The following PLXNA4 variants were observed in gnomAD, a reference collection of about 807,000 sequenced individuals.
PLXNA4 encodes the protein plexin A4.
Under a neutral mutation model 191.8 loss-of-function variants are expected in PLXNA4, and 44 were observed. The ratio of observed to expected loss-of-function variants is 0.23; its 90% confidence interval spans 0.18 to 0.29. The LOEUF is 0.29. PLXNA4 is among the 10% of genes least tolerant of loss of function. PLXNA4 has a pLI of 1.00. For missense variants in PLXNA4, 1,800 were observed against 2,488.8 expected (o/e 0.72, Z 5.89); for synonymous variants, 1,082 against 1,009.5 (o/e 1.07, Z -1.36).
chr7:132,574,744 A>G (rs553030913), intron 1 of PLXNA4, among the ~76,000 whole-genome samples: 1 of 152,222 alleles, frequency 6.6e-6, no homozygotes, highest in African/African-American at 2.4e-5. Context: ...GCTTCTCCCC[A>G]GCCTAGCCAG....
In PLXNA4 at chr7:132,507,799, C is replaced by A. The variant is rs752332335; in HGVS notation, c.895G>T (p.Gly299Cys). ...TACTCCACCCCACTGCGCTCACAGC[C>A]AATGGGCACCTCTACATAGGAGTTG... Reference protein sequence around the residue: ...AFNSYVEVPIGCERSGVEYRL... With the variant: ...AFNSYVEVPICCERSGVEYRL... Residue 299 changes from glycine (G) to cysteine (C), a missense_variant, in exon 2 of 32, where the codon GGC becomes TGC. Around this residue, in one of 6 missense-constraint regions of PLXNA4, gnomAD observed 1,397 missense variants for 1,880.4 expected, o/e 0.74. Transcript: ENST00000321063. 1.2e-6 allele frequency: 2 copies of A among 1,614,168 alleles called. No homozygotes were observed. Among genetic ancestry groups the A allele is most frequent in the Non-Finnish European group, 1.7e-6 (2 of 1,180,046 alleles).
At chr7:132,181,240 T>C (rs1796691913) in intron 18 of PLXNA4, 141 bp downstream of exon 18, 5 of 1,433,656 alleles carry the variant, frequency 3.5e-6, no homozygotes, top group African/African-American at 1.4e-5. Flanking sequence ...AGAGAGAACA[T>C]TTATCACACT....
chr7:132,209,104 A>G (rs954631315), intron 10 of PLXNA4, among the ~76,000 whole-genome samples: 5 of 152,254 alleles, frequency 3.3e-5, no homozygotes, highest in African/African-American at 1.2e-4. Context: ...TCTTCTGACC[A>G]AGAGGTTTAG....
At chr7:132,178,713 TACACACACACACACACACTTGTAAATGAA>T (rs1796562213) in intron 20 of PLXNA4, among the ~76,000 whole-genome samples, 1,568 of 111,974 alleles carry the variant, frequency 0.014, 87 homozygotes, top group African/African-American at 0.035. Context: ...CACATACACA[TACACACACACACACACACTTGTAAATGAA>T]ACACATACAC....
intron 3 of PLXNA4, among the ~76,000 whole-genome samples, chr7:132,331,506 C>T (rs1802589346): frequency 6.6e-6 from 1 of 152,202 alleles, no homozygotes; most frequent in South Asian, 2.1e-4. Context: ...CCATGTCACT[C>T]CCCAGGGAAG....
At chr7:132,511,988 C>T (rs1798730956) in intron 1 of PLXNA4, among the ~76,000 whole-genome samples, 1 of 152,176 alleles carries the variant, frequency 6.6e-6, no homozygotes. Flanking sequence ...CTCTTTCCAC[C>T]ACCCCGGCCT....
chr7:132,246,768 A>AATCATC (rs34617807), intron 4 of PLXNA4, among the ~76,000 whole-genome samples: 64 of 149,996 alleles, frequency 4.3e-4, no homozygotes, highest in Middle Eastern at 7.0e-3. Context: ...TTGTACATGC[A>AATCATC]ATCATCATCA....
At chr7:132,536,844 C>T (rs900656197) in intron 1 of PLXNA4, among the ~76,000 whole-genome samples, 4 of 152,240 alleles carry the variant, frequency 2.6e-5, no homozygotes, top group Non-Finnish European at 4.4e-5. Context: ...GAAGTTAGGG[C>T]AGAAAGAGAC....
chr7:132,271,955 T>C (rs1424598880), intron 4 of PLXNA4, among the ~76,000 whole-genome samples: 4 of 152,144 alleles, frequency 2.6e-5, no homozygotes, highest in East Asian at 3.9e-4. Context: ...AAACAGATGA[T>C]AGGAAGAAAT....
intron 3 of PLXNA4, among the ~76,000 whole-genome samples, chr7:132,471,349 C>T (rs145567822): frequency 1.4e-3 from 211 of 152,168 alleles, no homozygotes; most frequent in African/African-American, 4.8e-3. Flanking sequence ...ACAAATAGAC[C>T]GTTGTGTGTG....
intron 2 of PLXNA4, among the ~76,000 whole-genome samples, chr7:132,617,522 C>T (rs1055885201): frequency 2.0e-5 from 3 of 152,216 alleles, no homozygotes; most frequent in African/African-American, 4.8e-5. Context: ...AGACCAAATA[C>T]ATAAATTATT....
intron 2 of PLXNA4, among the ~76,000 whole-genome samples, chr7:132,625,829 G>A (rs1258854864): frequency 6.6e-6 from 1 of 152,152 alleles, no homozygotes; most frequent in Non-Finnish European, 1.5e-5. Flanking sequence ...GTCTCCCCTA[G>A]GGACTGGGAT....
intron 3 of PLXNA4, among the ~76,000 whole-genome samples, chr7:132,413,147 C>T (rs1794527595): frequency 6.6e-6 from 1 of 152,168 alleles, no homozygotes; most frequent in South Asian, 2.1e-4. Flanking sequence ...CTGAGTGTTA[C>T]ACAGAGGTAA....
At chr7:132,364,022 G>A (rs777927364) in intron 3 of PLXNA4, among the ~76,000 whole-genome samples, 20 of 152,358 alleles carry the variant, frequency 1.3e-4, no homozygotes, top group South Asian at 2.1e-4. Flanking sequence ...TTTGCCACTC[G>A]TCTGGTGTGG....
chr7:132,206,452 G>A (rs1185397843), intron 10 of PLXNA4, among the ~76,000 whole-genome samples: 1 of 151,634 alleles, frequency 6.6e-6, no homozygotes, highest in Non-Finnish European at 1.5e-5. Context: ...GTGTGTGTGT[G>A]TGTGTGTGTG....
chr7:132,261,947 C>T (rs1799660818), intron 4 of PLXNA4, among the ~76,000 whole-genome samples: 1 of 152,224 alleles, frequency 6.6e-6, no homozygotes, highest in Admixed American at 6.5e-5. Flanking sequence ...AAACCAATCT[C>T]AGCTCTGCCT....
At chr7:132,267,694 G>T (rs527774477) in intron 4 of PLXNA4, among the ~76,000 whole-genome samples, 2 of 152,278 alleles carry the variant, frequency 1.3e-5, no homozygotes, top group South Asian at 2.1e-4. Flanking sequence ...TCCTCAGAAT[G>T]CAGGAAATGG....
At chr7:132,393,468 G>A (rs534041736) in intron 3 of PLXNA4, among the ~76,000 whole-genome samples, 1 of 152,250 alleles carries the variant, frequency 6.6e-6, no homozygotes, top group African/African-American at 2.4e-5. Flanking sequence ...CTGGATTTGG[G>A]CATGGCTGAT....
At chr7:132,490,952 C>T (rs1797771582) in intron 2 of PLXNA4, among the ~76,000 whole-genome samples, 1 of 152,092 alleles carries the variant, frequency 6.6e-6, no homozygotes, top group Non-Finnish European at 1.5e-5. Flanking sequence ...CAGCTGGGCT[C>T]TGGGGTGCTG....
Sources: allele counts gnomAD v4.1 joint callset (sites outside exome capture counted in the v4.1 genomes callset), GRCh38; gene constraint gnomAD v4.1.1; regional missense constraint gnomAD v4.1.1; transcripts MANE v1.5; gene names NCBI Gene and HGNC (gene_info 2026-07-23, HGNC 2026-07-21).